Variants in CDKAL1 observed in about 807,000 individuals in gnomAD.
CDKAL1 encodes the protein CDKAL1 threonylcarbamoyladenosine tRNA methylthiotransferase.
In CDKAL1, 32 loss-of-function variants were observed where a neutral mutation model predicts 68.2. The observed-to-expected ratio is 0.47, with a 90% CI of 0.35 to 0.63. The LOEUF (loss-of-function observed/expected upper bound fraction) is 0.63. CDKAL1 is among the 30% of genes least tolerant of loss of function. The pLI is 0.00. For missense variants in CDKAL1, 606 were observed against 696.7 expected, an observed-to-expected ratio of 0.87 and a Z score of 1.47; for synonymous variants, 234 against 244.3, an observed-to-expected ratio of 0.96 and a Z score of 0.39.
intron 4 of CDKAL1, among the ~76,000 whole-genome samples, chr6:20,563,490 GC>G (rs1764345856): frequency 6.6e-6 from 1 of 151,990 alleles, no homozygotes; most frequent in African/African-American, 2.4e-5. Flanking sequence ...ATAAACAAGG[GC>G]TTTTAAAAAT....
At chr6:20,822,581 T>C (rs1777331508) in intron 8 of CDKAL1, among the ~76,000 whole-genome samples, 1 of 152,200 alleles carries the variant, frequency 6.6e-6, no homozygotes, top group Admixed American at 6.5e-5. Flanking sequence ...AAATCTCATC[T>C]TGAATTGTAA....
At chr6:20,693,686 A>G (rs1186608544) in intron 5 of CDKAL1, among the ~76,000 whole-genome samples, 1 of 152,226 alleles carries the variant, frequency 6.6e-6, no homozygotes, top group Non-Finnish European at 1.5e-5. Flanking sequence ...GACCACAGAA[A>G]TACTTTTGCC....
chr6:21,215,890 G>A (rs1292377451), intron 15 of CDKAL1, among the ~76,000 whole-genome samples: 2 of 152,158 alleles, frequency 1.3e-5, no homozygotes, highest in East Asian at 3.9e-4. Context: ...GGTTGCATAT[G>A]GAATTAAATT....
At chr6:20,632,957 A>T (rs1229989017) in intron 4 of CDKAL1, among the ~76,000 whole-genome samples, 3 of 152,184 alleles carry the variant, frequency 2.0e-5, no homozygotes, top group Non-Finnish European at 4.4e-5. Flanking sequence ...GTTAGGGCAG[A>T]CAGGTGGAAG....
chr6:21,185,579 G>A (rs539748654), intron 13 of CDKAL1, among the ~76,000 whole-genome samples: 97 of 152,210 alleles, frequency 6.4e-4, no homozygotes, highest in African/African-American at 2.2e-3. Context: ...AATAGGGAGC[G>A]AGGATAGGTC....
At chr6:20,672,892 T>G (rs111629317) in intron 5 of CDKAL1, among the ~76,000 whole-genome samples, 18,166 of 152,146 alleles carry the variant, frequency 0.12, 1,424 homozygotes, top group Admixed American at 0.22. Context: ...TTCTCCTGCC[T>G]CAGCCTCCCG....
chr6:20,548,484 G>A (rs1016466811), intron 3 of CDKAL1, 109 bp from the exon 4 acceptor site: 6 of 670,452 alleles, frequency 8.9e-6, no homozygotes, highest in Admixed American at 2.7e-5. Context: ...AGTGAGCTGT[G>A]GTCACACAGC....
intron 12 of CDKAL1, among the ~76,000 whole-genome samples, chr6:21,079,201 G>A (rs1772247352): frequency 1.3e-5 from 2 of 152,176 alleles, no homozygotes; most frequent in African/African-American, 4.8e-5. Context: ...ACAATATGCA[G>A]GAATAGGTTA....
intron 12 of CDKAL1, among the ~76,000 whole-genome samples, chr6:21,102,199 A>G (rs1773609769): frequency 6.6e-6 from 1 of 152,202 alleles, no homozygotes; most frequent in African/African-American, 2.4e-5. Context: ...CTATAAAAGC[A>G]TAATCTATCT....
chr6:20,870,921 T>C (rs1313464195), intron 9 of CDKAL1, among the ~76,000 whole-genome samples: 8 of 152,172 alleles, frequency 5.3e-5, no homozygotes, highest in Admixed American at 2.0e-4. Flanking sequence ...AGCATAAAAA[T>C]GATCAAGAAC....
At chr6:21,047,608 G>A (rs150481346) in intron 11 of CDKAL1, among the ~76,000 whole-genome samples, 4 of 152,278 alleles carry the variant, frequency 2.6e-5, no homozygotes, top group Admixed American at 2.6e-4. Context: ...CTATGTGGCT[G>A]TTGCCTCATT....
At chr6:21,201,860 C>G (rs763356953) in intron 15 of CDKAL1, among the ~76,000 whole-genome samples, 1 of 151,978 alleles carries the variant, frequency 6.6e-6, no homozygotes, top group Non-Finnish European at 1.5e-5. Context: ...TTTCATTGAG[C>G]TACAGTTGTA....
intron 10 of CDKAL1, among the ~76,000 whole-genome samples, chr6:20,980,874 C>T (rs1050555434): frequency 6.6e-6 from 1 of 152,130 alleles, no homozygotes; most frequent in Non-Finnish European, 1.5e-5. Context: ...CTCTCACCGC[C>T]GCTTTGTTCC....
At chr6:21,051,175 G>A (rs1367076776) in intron 11 of CDKAL1, among the ~76,000 whole-genome samples, 5 of 152,226 alleles carry the variant, frequency 3.3e-5, no homozygotes, top group African/African-American at 9.6e-5. Context: ...GAGCAATGTC[G>A]TGAGATCTCA....
At chr6:20,801,499 A>AT (rs34686362) in intron 8 of CDKAL1, among the ~76,000 whole-genome samples, 61,741 of 151,882 alleles carry the variant, frequency 0.41, 12,810 homozygotes, top group Non-Finnish European at 0.44. Flanking sequence ...AGTCCAACTT[A>AT]TTTTTTTAAC....
chr6:21,174,558 CA>C (rs1353081069), intron 13 of CDKAL1, among the ~76,000 whole-genome samples: 2 of 152,008 alleles, frequency 1.3e-5, no homozygotes, highest in South Asian at 2.1e-4. Flanking sequence ...ACAAAAACTA[CA>C]AAAAAATATT....
intron 5 of CDKAL1, among the ~76,000 whole-genome samples, chr6:20,690,906 G>A (rs1271881763): frequency 3.3e-5 from 5 of 152,098 alleles, no homozygotes; most frequent in African/African-American, 1.2e-4. Context: ...CTTTATTACT[G>A]TAAATAGGAA....
At chr6:20,988,434 C>T (rs1029936905) in intron 10 of CDKAL1, among the ~76,000 whole-genome samples, 1 of 152,152 alleles carries the variant, frequency 6.6e-6, no homozygotes, top group Non-Finnish European at 1.5e-5. Flanking sequence ...GTAACATTCA[C>T]AATCATAGTA....
chr6:20,732,886 C>T (rs185143281), intron 5 of CDKAL1, among the ~76,000 whole-genome samples: 3 of 152,258 alleles, frequency 2.0e-5, no homozygotes, highest in Non-Finnish European at 4.4e-5. Context: ...TTTTTAAAGA[C>T]CCTTAACCTC....
Sources: allele counts gnomAD v4.1 joint callset (sites outside exome capture counted in the v4.1 genomes callset), GRCh38; gene constraint gnomAD v4.1.1; transcripts MANE v1.5; gene names NCBI Gene and HGNC (gene_info 2026-07-23, HGNC 2026-07-21).